TIPARP: variants seen among roughly 807,000 people sequenced by gnomAD.
TIPARP encodes the protein TCDD inducible poly(ADP-ribose) polymerase.
In TIPARP, 12 loss-of-function variants were observed where a neutral mutation model predicts 56.5. That is an observed-to-expected ratio of 0.21 (90% confidence interval 0.14 to 0.34). TIPARP has a LOEUF of 0.34. Ranked by LOEUF, TIPARP falls within the 10% of genes least tolerant of loss-of-function variation. TIPARP has a pLI of 1.00. For synonymous variants in TIPARP, 296 were observed against 265.7 expected (o/e 1.11, Z -1.11); for missense variants, 604 against 781.6 (o/e 0.77, Z 2.71).
intron 2 of TIPARP, among the ~76,000 whole-genome samples, chr3:156,688,482 G>GCCCC (rs150341932): frequency 2.8e-4 from 39 of 140,226 alleles, no homozygotes; most frequent in African/African-American, 6.8e-4. Context: ...TTTTATTGCC[G>GCCCC]CCCCCCCCCG....
At chr3:156,692,271 A>G (rs1722594761) in intron 2 of TIPARP, among the ~76,000 whole-genome samples, 1 of 152,152 alleles carries the variant, frequency 6.6e-6, no homozygotes, top group Non-Finnish European at 1.5e-5. Context: ...TCCTAAAGTT[A>G]ATGAAAATTG....
chr3:156,699,457 C>T (rs1722793666), intron 4 of TIPARP, among the ~76,000 whole-genome samples: 1 of 152,210 alleles, frequency 6.6e-6, no homozygotes, highest in Non-Finnish European at 1.5e-5. Flanking sequence ...AGTAAAATTA[C>T]TATGACTCAC....
intron 1 of TIPARP, among the ~76,000 whole-genome samples, chr3:156,676,455 C>T (rs144210417): frequency 6.6e-6 from 1 of 152,240 alleles, no homozygotes; most frequent in African/African-American, 2.4e-5. Context: ...TTGTTGTTGA[C>T]CCACAAACAA....
At chr3:156,693,993 G>T (rs975753383) in intron 2 of TIPARP, 27 bp from the exon 3 acceptor site, 6 of 1,560,436 alleles carry the variant, frequency 3.8e-6, no homozygotes, top group Admixed American at 2.1e-5. Flanking sequence ...AGGTTTTTGG[G>T]TTTTTTTTGT....
At chr3:156,686,202 A>C (rs996124243) in intron 2 of TIPARP, among the ~76,000 whole-genome samples, 1 of 152,200 alleles carries the variant, frequency 6.6e-6, no homozygotes, top group Non-Finnish European at 1.5e-5. Flanking sequence ...ATGCTGGCAG[A>C]CATCAGAAGC....
rs151331780 is a variant in TIPARP at position 156,706,117 on chromosome 3, C to G, written c.*986C>G. 5.2e-5 allele frequency: 8 copies of G among 152,632 alleles called. No individual in the cohort carries two copies. The highest frequency in any genetic ancestry group is 1.9e-4 in the African/African-American group (8 of 41,438). 9.5% of individuals were successfully genotyped at this position (152,632 alleles called of 1,614,324 possible). On this transcript the variant is annotated 3_prime_UTR_variant, in exon 6 of 6. Coordinates refer to ENST00000295924, the MANE Select transcript of TIPARP (RefSeq NM_015508.5). ...GATGGCAGTCCCACTCCTACACCTGCTTTGTCAGATACAGCTGGGTTCCCT... is the reference window on the plus strand; with the variant it reads ...GATGGCAGTCCCACTCCTACACCTGGTTTGTCAGATACAGCTGGGTTCCCT...
chr3:156,677,948 GCTTACATGAAC>G lies in TIPARP; in HGVS notation c.254_264del (p.Leu85TyrfsTer18). ...AGGAACCAGAGTACAGATGAGAACA[GCTTACATGAAC>G]CTATGATGAAGAAAGCCATGGAAAT... is the stretch of plus-strand genomic sequence containing the variant. On this transcript the variant is annotated frameshift_variant, in exon 2 of 6. Transcript: ENST00000295924. LOFTEE classifies it high-confidence loss of function. The G allele has an allele frequency of 6.2e-7, 1 of 1,614,134 alleles. No individual in the cohort carries two copies. The highest frequency in any genetic ancestry group is 8.5e-7 in the Non-Finnish European group (1 of 1,180,028).
intron 2 of TIPARP, among the ~76,000 whole-genome samples, chr3:156,680,777 T>C (rs1022579936): frequency 1.2e-4 from 18 of 152,108 alleles, no homozygotes; most frequent in African/African-American, 4.3e-4. Context: ...GCCTGCATTG[T>C]TGTATTATGA....
At chr3:156,686,302 G>A (rs1201106511) in intron 2 of TIPARP, among the ~76,000 whole-genome samples, 1 of 152,098 alleles carries the variant, frequency 6.6e-6, no homozygotes, top group Non-Finnish European at 1.5e-5. Context: ...ATAGAAACTT[G>A]GCTTTGTAGA....
intron 4 of TIPARP, among the ~76,000 whole-genome samples, chr3:156,701,265 A>G (rs1021382723): frequency 6.6e-6 from 1 of 152,232 alleles, no homozygotes; most frequent in Non-Finnish European, 1.5e-5. Context: ...AGGAAAAGCT[A>G]TATTTGAAGT....
intron 3 of TIPARP, among the ~76,000 whole-genome samples, chr3:156,695,369 A>G (rs544210798): frequency 8.1e-4 from 123 of 152,140 alleles, no homozygotes; most frequent in African/African-American, 2.8e-3. Context: ...GCATGCCACC[A>G]TACTCAACTA....
chr3:156,675,068 C>G (rs149794438), intron 1 of TIPARP: 1 of 152,274 alleles, frequency 6.6e-6, no homozygotes, highest in African/African-American at 2.4e-5. Context: ...TAGTTGGGGT[C>G]GCAGGCGCCT....
In TIPARP at chr3:156,703,575, G is replaced by A. The variant is rs777573979; in HGVS notation, c.1399G>A (p.Val467Ile). Reference sequence around the variant, plus strand: ...ATCTCAGGACTTCATCCAAGTCCCTGTTTCTGCAGAGGATAAAAGTTATCG... The same window carrying A: ...ATCTCAGGACTTCATCCAAGTCCCTATTTCTGCAGAGGATAAAAGTTATCG... Reference protein sequence around the residue: ...HPSQDFIQVPVSAEDKSYRII... With the variant: ...HPSQDFIQVPISAEDKSYRII... The change falls in exon 5 of 6, where the codon GTT (valine) becomes ATT (isoleucine). Residue 467 changes from valine to isoleucine, a missense_variant. By Grantham distance (29) the Val-to-Ile change is conservative. Transcript: ENST00000295924. 1.9e-6 allele frequency: 3 copies of A among 1,614,188 alleles called. No homozygotes were observed. The highest frequency in any genetic ancestry group is 1.6e-4 in the Middle Eastern group (1 of 6,062).
chr3:156,700,212 A>G (rs891638497), intron 4 of TIPARP, among the ~76,000 whole-genome samples: 11 of 151,844 alleles, frequency 7.2e-5, no homozygotes, highest in African/African-American at 2.7e-4. Context: ...GGTTCAAGTG[A>G]TCCTCCTGCT....
chr3:156,684,245 G>A (rs1326991653), intron 2 of TIPARP, among the ~76,000 whole-genome samples: 2 of 152,076 alleles, frequency 1.3e-5, no homozygotes, highest in South Asian at 2.1e-4. Flanking sequence ...AAGTGAGTTC[G>A]AGAGATTTTG....
At chr3:156,681,864 G>T (rs909800340) in intron 2 of TIPARP, among the ~76,000 whole-genome samples, 2 of 151,676 alleles carry the variant, frequency 1.3e-5, no homozygotes, top group Non-Finnish European at 2.9e-5. Context: ...TTTTGCACAC[G>T]AGATGAGCCT....
At chr3:156,680,773 A>G in intron 2 of TIPARP, among the ~76,000 whole-genome samples, 1 of 152,192 alleles carries the variant, frequency 6.6e-6, no homozygotes, top group Admixed American at 6.5e-5. Context: ...ATAAGCCTGC[A>G]TTGTTGTATT....
At chr3:156,688,611 G>A (rs989416515) in intron 2 of TIPARP, among the ~76,000 whole-genome samples, 2 of 152,030 alleles carry the variant, frequency 1.3e-5, no homozygotes, top group Non-Finnish European at 2.9e-5. Flanking sequence ...GTTTTCTGAA[G>A]TTTAATAACT....
chr3:156,680,150 A>G (rs1722257960), intron 2 of TIPARP, among the ~76,000 whole-genome samples: 2 of 152,174 alleles, frequency 1.3e-5, no homozygotes, highest in African/African-American at 4.8e-5. Context: ...AAAGTATTAC[A>G]TAGAAGACCC....
Sources: gnomAD v4.1 joint callset for allele counts (sites outside exome capture counted in the v4.1 genomes callset) on GRCh38, gnomAD v4.1.1 for gene constraint, MANE v1.5 for transcripts, NCBI Gene and HGNC (gene_info 2026-07-23, HGNC 2026-07-21) for gene names.